SLC2A9: variants seen among roughly 807,000 people sequenced by gnomAD.
The protein encoded by SLC2A9 is solute carrier family 2 member 9.
Under a neutral mutation model 50.6 loss-of-function variants are expected in SLC2A9, and 39 were observed. That is an observed-to-expected ratio of 0.77 (90% CI 0.60 to 1.01). SLC2A9 has a LOEUF of 1.01. Ranked by LOEUF, SLC2A9 falls within the 50% of genes least tolerant of loss-of-function variation. The probability of loss-of-function intolerance (pLI) is 0.00; values close to 1 mark genes in which losing one functional copy is unlikely to be tolerated. For missense variants in SLC2A9, 686 were observed against 677.6 expected, an observed-to-expected ratio of 1.01 and a Z score of -0.14; for synonymous variants, 324 against 276.9, an observed-to-expected ratio of 1.17 and a Z score of -1.69.
rs868773955 is a variant in SLC2A9 at position 9,801,676 on chromosome 4, G to A, written n.421-2435C>T. On this transcript the variant is annotated intron_variant and non_coding_transcript_variant, in intron 3 of 3. Transcript: ENST00000503280. Reference sequence around the variant, plus strand: ...TGAGGTAGAAAAGTTGAGCCTCAGAGGGCATTGAGATGAAAAGCCATCAGG... The same window carrying A: ...TGAGGTAGAAAAGTTGAGCCTCAGAAGGCATTGAGATGAAAAGCCATCAGG... 1.3e-5 allele frequency among the ~76,000 whole-genome samples: 2 copies of A among 152,306 alleles called. 1 individual carries two copies. The highest frequency in any genetic ancestry group is 6.8e-3 in the Middle Eastern group (2 of 294).
At chr4:9,827,496 C>T (rs939014916) in intron 11 of SLC2A9, among the ~76,000 whole-genome samples, 4 of 152,190 alleles carry the variant, frequency 2.6e-5, no homozygotes, top group Non-Finnish European at 5.9e-5. Flanking sequence ...GAAGCAATAT[C>T]CAGATTTTAG....
intron 4 of SLC2A9, among the ~76,000 whole-genome samples, chr4:9,985,291 T>C (rs6836200): frequency 0.099 from 15,082 of 152,078 alleles, 1,094 homozygotes; most frequent in East Asian, 0.39. Context: ...GTAAATGAAA[T>C]AACGAATGAG....
intron 3 of SLC2A9, among the ~76,000 whole-genome samples, chr4:9,819,653 G>A (rs560713364): frequency 6.6e-6 from 1 of 152,226 alleles, no homozygotes; most frequent in East Asian, 1.9e-4. Flanking sequence ...GTATCTTTTG[G>A]CCCGGTGTGG....
intron 2 of SLC2A9, among the ~76,000 whole-genome samples, chr4:10,000,789 T>C (rs1759654518): frequency 6.6e-6 from 1 of 152,194 alleles, no homozygotes; most frequent in Admixed American, 6.5e-5. Flanking sequence ...CATCAGCCTG[T>C]ACCTCTGCCC....
At chr4:9,906,048 T>C (rs1002990482) in intron 8 of SLC2A9, among the ~76,000 whole-genome samples, 6 of 152,166 alleles carry the variant, frequency 3.9e-5, no homozygotes, top group African/African-American at 1.2e-4. Flanking sequence ...TCTACCTAAA[T>C]AGGACAAGAA....
intron 3 of SLC2A9, among the ~76,000 whole-genome samples, chr4:9,988,851 C>A (rs1385930825): frequency 2.0e-5 from 3 of 152,218 alleles, no homozygotes; most frequent in Non-Finnish European, 4.4e-5. Flanking sequence ...TTCGCCTGGA[C>A]AAGAGGTCAG....
intron 8 of SLC2A9, among the ~76,000 whole-genome samples, chr4:9,903,296 C>A (rs1934421411): frequency 6.6e-6 from 1 of 151,820 alleles, no homozygotes; most frequent in South Asian, 2.1e-4. Flanking sequence ...AGAGCATATT[C>A]CATTCTTGCT....
At chr4:9,946,080 C>T (rs925609117) in intron 5 of SLC2A9, among the ~76,000 whole-genome samples, 1 of 152,194 alleles carries the variant, frequency 6.6e-6, no homozygotes, top group African/African-American at 2.4e-5. Flanking sequence ...GGTGTCGGTC[C>T]AGCCTGCTGG....
intron 1 of SLC2A9, among the ~76,000 whole-genome samples, chr4:10,038,402 G>A (rs938827841): frequency 4.7e-5 from 7 of 149,762 alleles, no homozygotes; most frequent in African/African-American, 1.7e-4. Flanking sequence ...AGCTACTAGC[G>A]AGGCTGAGGC....
chr4:9,876,570 G>A (rs1734354698), intron 10 of SLC2A9, among the ~76,000 whole-genome samples: 1 of 152,074 alleles, frequency 6.6e-6, no homozygotes, highest in Non-Finnish European at 1.5e-5. Context: ...CAGCCTGGGT[G>A]ACAGAGCGAG....
chr4:9,889,142 C>T (rs1736845802), intron 9 of SLC2A9, among the ~76,000 whole-genome samples: 1 of 152,192 alleles, frequency 6.6e-6, no homozygotes, highest in South Asian at 2.1e-4. Flanking sequence ...GAGAGCACCT[C>T]ACCCAGACTT....
intron 8 of SLC2A9, among the ~76,000 whole-genome samples, chr4:9,904,260 A>G (rs1740213872): frequency 6.6e-6 from 1 of 152,196 alleles, no homozygotes; most frequent in Non-Finnish European, 1.5e-5. Context: ...TGCAAACACG[A>G]TGGTGTCTGC....
At chr4:9,855,472 C>G (rs1176047762) in intron 10 of SLC2A9, among the ~76,000 whole-genome samples, 1 of 152,056 alleles carries the variant, frequency 6.6e-6, no homozygotes, top group Non-Finnish European at 1.5e-5. Context: ...AGAGATGACA[C>G]AAACAAATAG....
chr4:10,003,996 C>T lies in SLC2A9; in HGVS notation c.250-7055G>A, dbSNP rs555801563. 7.9e-5 allele frequency among the ~76,000 whole-genome samples: 12 copies of T among 152,318 alleles called. No individual in the cohort carries two copies. The South Asian group carries it at 1.2e-3, about 16-fold the overall frequency. ...CACAAGGGGCCCTCCCAAGCTCACACCATTGGCATGCGATGTCACCAGGAC... is the reference window on the plus strand; with the variant it reads ...CACAAGGGGCCCTCCCAAGCTCACATCATTGGCATGCGATGTCACCAGGAC... On this transcript the variant is annotated intron_variant, in intron 2 of 11. Coordinates refer to ENST00000264784, the MANE Select transcript of SLC2A9 (RefSeq NM_020041.3).
chr4:9,993,375 G>A (rs1758047725), intron 3 of SLC2A9, among the ~76,000 whole-genome samples: 1 of 152,168 alleles, frequency 6.6e-6, no homozygotes, highest in Non-Finnish European at 1.5e-5. Context: ...AGCCAATGAG[G>A]TTGGTGATGG....
downstream of SLC2A9, among the ~76,000 whole-genome samples, chr4:9,797,153 G>A (rs61121804): frequency 6.6e-6 from 1 of 152,166 alleles, no homozygotes; most frequent in East Asian, 1.9e-4. Flanking sequence ...TCTGCTCTCT[G>A]CTCTCAAGGG....
rs767649569 is a variant in SLC2A9 at position 10,021,306 on chromosome 4, C to G, written c.124G>C (p.Gly42Arg). ...TTTCTTCTCCTTCCACCTGGCACCC[C>G]ACTCCTCAGGTGGTCACACTCCAGC... ...ALLECDHLRS[G>R]VPGGRRRKDW... Residue 42 changes from glycine (G) to arginine (R), a missense_variant, in exon 1 of 12, where the codon GGG becomes CGG. Transcript: ENST00000264784. The G allele has an allele frequency of 1.2e-6, 2 of 1,614,072 alleles. No homozygotes were observed. Among genetic ancestry groups the G allele is most frequent in the East Asian group, 4.5e-5 (2 of 44,894 alleles).
chr4:9,818,173 C>G (rs961257040), intron 3 of SLC2A9, among the ~76,000 whole-genome samples: 2 of 152,160 alleles, frequency 1.3e-5, no homozygotes, highest in African/African-American at 4.8e-5. Flanking sequence ...GAGCGGGTGT[C>G]CTTTGCAAGA....
chr4:9,887,503 G>A (rs1577707107), intron 10 of SLC2A9, 64 bp downstream of exon 10: 2 of 1,469,842 alleles, frequency 1.4e-6, no homozygotes, highest in African/African-American at 1.4e-5. Flanking sequence ...TATGAGGAGA[G>A]CCCCCCAGCT....
Sources: allele counts gnomAD v4.1 joint callset (sites outside exome capture counted in the v4.1 genomes callset), GRCh38; gene constraint gnomAD v4.1.1; transcripts MANE v1.5; gene names NCBI Gene and HGNC (gene_info 2026-07-23, HGNC 2026-07-21).